The following AGTPBP1 variants were observed in gnomAD, a reference collection of about 807,000 sequenced individuals.
The protein encoded by AGTPBP1 is cytosolic carboxypeptidase 1.
A neutral mutation model predicts 143.9 loss-of-function variants in AGTPBP1; 70 were observed. The observed-to-expected ratio is 0.49, with a 90% CI of 0.40 to 0.59. AGTPBP1 has a LOEUF of 0.59. AGTPBP1 is among the 20% of genes least tolerant of loss of function. AGTPBP1 has a pLI of 0.00. For missense variants in AGTPBP1, 1,229 were observed against 1,464.5 expected, an observed-to-expected ratio of 0.84 and a Z score of 2.62; for synonymous variants, 463 against 500.2, an observed-to-expected ratio of 0.93 and a Z score of 0.99.
chr9:85,680,846 C>A (rs1449074143), intron 4 of AGTPBP1, among the ~76,000 whole-genome samples: 1 of 152,118 alleles, frequency 6.6e-6, no homozygotes, highest in Admixed American at 6.5e-5. Context: ...ATATAGTTAA[C>A]CAATATGTGT....
Position 85,653,201 on chromosome 9 carries a change from TCGAGACC to T in AGTPBP1, c.1087+1935_1087+1941del, listed in dbSNP as rs369310389. ...GGGGGGATCTCTTGAACTCAGGAGT[TCGAGACC>T]AGCCTGGGAAACATGGGGGGAGGAA... On this transcript the variant is annotated intron_variant, in intron 11 of 25. Transcript: ENST00000357081. Among the ~76,000 whole-genome samples, 10 of 138,208 alleles carry T rather than the reference TCGAGACC, an allele frequency of 7.2e-5. 1 individual carries two copies. Among genetic ancestry groups the T allele is most frequent in the African/African-American group, 2.7e-4 (10 of 37,594 alleles). 90.7% of individuals were successfully genotyped at this position (138,208 alleles called of 152,430 possible).
At chr9:85,635,208 A>T (rs1379244044) in intron 13 of AGTPBP1, among the ~76,000 whole-genome samples, 1 of 152,116 alleles carries the variant, frequency 6.6e-6, no homozygotes, top group Non-Finnish European at 1.5e-5. Flanking sequence ...ATTTTTCTGG[A>T]TTTGCAATTG....
chr9:85,752,319 C>G, the AGTPBP1 span, among the ~76,000 whole-genome samples: 1 of 152,062 alleles, frequency 6.6e-6, no homozygotes, highest in South Asian at 2.1e-4. Context: ...CAAGTCTATT[C>G]TCATATTGCA....
At chr9:85,639,789 T>C (rs1346108128) in intron 13 of AGTPBP1, among the ~76,000 whole-genome samples, 1 of 152,166 alleles carries the variant, frequency 6.6e-6, no homozygotes, top group Non-Finnish European at 1.5e-5. Flanking sequence ...TATTCTGCCA[T>C]CAAGAAACAA....
Position 85,572,004 on chromosome 9 carries a change from G to GTTTTTTTTTTTTTTTTTTTTTTTTTTT in AGTPBP1, c.3503+3284_3503+3310dup, listed in dbSNP as rs55882437. On this transcript the variant is annotated intron_variant, in intron 25 of 25. Coordinates refer to ENST00000357081, the MANE Select transcript of AGTPBP1 (RefSeq NM_001330701.2). ...TGGCCATTATTAGTTGTTTGTGTGT[G>GTTTTTTTTTTTTTTTTTTTTTTTTTTT]TTTTTTTTTTTTTTTTTTTTTTTTT... Among the ~76,000 whole-genome samples, 4 of 43,496 alleles carry GTTTTTTTTTTTTTTTTTTTTTTTTTTT rather than the reference G, an allele frequency of 9.2e-5. 1 individual carries two copies. The highest frequency in any genetic ancestry group is 2.0e-4 in the Non-Finnish European group (4 of 19,984). 28.5% of individuals were successfully genotyped at this position (43,496 alleles called of 152,430 possible). A position where few individuals can be genotyped will look rare whatever the true frequency, so the allele number is the denominator to read the frequency against.
the AGTPBP1 span, among the ~76,000 whole-genome samples, chr9:85,767,772 C>G: frequency 6.6e-6 from 1 of 152,164 alleles, no homozygotes; most frequent in East Asian, 1.9e-4. Context: ...CTTGAGCCAC[C>G]GCACCCTGCT....
At chr9:85,676,029 T>TA (rs111328695) in intron 6 of AGTPBP1, among the ~76,000 whole-genome samples, 3,624 of 150,628 alleles carry the variant, frequency 0.024, 139 homozygotes, top group African/African-American at 0.074. Flanking sequence ...GTCTCAAAAA[T>TA]AAAAAAAAAC....
chr9:85,778,413 A>C, the AGTPBP1 span, among the ~76,000 whole-genome samples: 1 of 152,160 alleles, frequency 6.6e-6, no homozygotes, highest in Non-Finnish European at 1.5e-5. Context: ...TGATTCACCT[A>C]TGGGGGTCTG....
chr9:85,723,417 C>G (rs1270012706), intron 1 of AGTPBP1, among the ~76,000 whole-genome samples: 2 of 152,216 alleles, frequency 1.3e-5, no homozygotes, highest in South Asian at 2.1e-4. Flanking sequence ...GCCCCTCCCC[C>G]ACCAAGCTGC....
At chr9:85,578,562 AT>A (rs1266494623) in intron 24 of AGTPBP1, among the ~76,000 whole-genome samples, 1 of 152,204 alleles carries the variant, frequency 6.6e-6, no homozygotes, top group African/African-American at 2.4e-5. Context: ...ATGTAAAAAA[AT>A]TTATATCCAA....
chr9:85,742,035 G>C, upstream of AGTPBP1: 1 of 1,192,978 alleles, frequency 8.4e-7, no homozygotes, highest in Non-Finnish European at 1.0e-6. Flanking sequence ...CGCAGGGAGT[G>C]GGGGCGGGGC....
At chr9:85,791,887 AAT>A in the AGTPBP1 span, among the ~76,000 whole-genome samples, 11 of 152,030 alleles carry the variant, frequency 7.2e-5, no homozygotes, top group East Asian at 1.5e-3. Flanking sequence ...GGAGCCATTC[AAT>A]AGAGAATTAC....
intron 15 of AGTPBP1, among the ~76,000 whole-genome samples, chr9:85,619,940 C>T (rs1281099190): frequency 2.0e-5 from 3 of 151,994 alleles, no homozygotes; most frequent in African/African-American, 7.2e-5. Flanking sequence ...ACTCAGGGTT[C>T]CTGAGTTTCT....
chr9:85,639,162 TTA>T (rs910551996), intron 13 of AGTPBP1, among the ~76,000 whole-genome samples: 3 of 152,166 alleles, frequency 2.0e-5, no homozygotes, highest in African/African-American at 7.2e-5. Context: ...TTAAAATTTT[TTA>T]TCTTTTTTAG....
chr9:85,642,097 T>C (rs556181847), intron 13 of AGTPBP1, among the ~76,000 whole-genome samples: 9 of 152,236 alleles, frequency 5.9e-5, no homozygotes, highest in South Asian at 2.1e-4. Context: ...TGTATGAAAT[T>C]TGGGGAACAA....
upstream of AGTPBP1, among the ~76,000 whole-genome samples, chr9:85,745,391 A>G (rs115063570): frequency 0.042 from 6,455 of 152,268 alleles, 206 homozygotes; most frequent in African/African-American, 0.089. Flanking sequence ...TCAACAATCA[A>G]CCATTTATTG....
chr9:85,679,552 C>T (rs1338844895), intron 4 of AGTPBP1, among the ~76,000 whole-genome samples: 5 of 152,092 alleles, frequency 3.3e-5, no homozygotes, highest in Admixed American at 6.6e-5. Flanking sequence ...GGACTACAGG[C>T]GTCCGCCACC....
chr9:85,799,806 G>A, the AGTPBP1 span, among the ~76,000 whole-genome samples: 2 of 152,126 alleles, frequency 1.3e-5, no homozygotes, highest in Non-Finnish European at 2.9e-5. Context: ...GTGTTAGCCA[G>A]TGCGCCCAGT....
At chr9:85,720,838 T>C (rs1210282959) in intron 1 of AGTPBP1, among the ~76,000 whole-genome samples, 4 of 152,234 alleles carry the variant, frequency 2.6e-5, no homozygotes, top group Non-Finnish European at 4.4e-5. Context: ...GCTTTAAATG[T>C]GTCCCAGAGA....
Sources: allele counts gnomAD v4.1 joint callset (sites outside exome capture counted in the v4.1 genomes callset), GRCh38; gene constraint gnomAD v4.1.1; transcripts MANE v1.5; gene names NCBI Gene and HGNC (gene_info 2026-07-23, HGNC 2026-07-21).